NDRG2: variants seen among roughly 807,000 people sequenced by gnomAD.
NDRG2 encodes the protein NDRG family member 2, also known as protein NDRG2.
A neutral mutation model predicts 58.2 loss-of-function variants in NDRG2; 34 were observed. The ratio of observed to expected loss-of-function variants is 0.58; its 90% CI spans 0.44 to 0.78. The LOEUF is 0.78. NDRG2 is among the 30% of genes least tolerant of loss of function. The pLI is 0.00. For missense variants in NDRG2, 434 were observed against 471.2 expected (o/e 0.92, Z 0.73); for synonymous variants, 187 against 175.9 (o/e 1.06, Z -0.50).
At chr14:21,046,430 C>T (rs572245544) in intron 1 of NDRG2, among the ~76,000 whole-genome samples, 4 of 151,930 alleles carry the variant, frequency 2.6e-5, no homozygotes, top group South Asian at 4.2e-4. Context: ...GCTGAGGTGG[C>T]GGATCTCTTG....
At chr14:21,021,208 A>G (rs1034803706) in intron 6 of NDRG2, 1 of 426,280 alleles carries the variant, frequency 2.3e-6, no homozygotes, top group Non-Finnish European at 4.6e-6. Flanking sequence ...CCTCTAGAGG[A>G]ACGGGAAGAA....
chr14:21,025,154 C>A, upstream of NDRG2: 1 of 960,124 alleles, frequency 1.0e-6, no homozygotes, highest in Middle Eastern at 5.3e-4. The surrounding 1 kb of genome is among the most constrained non-coding windows in gnomAD (Gnocchi z 5.1). Flanking sequence ...TCCCCGCAGA[C>A]CCGCCCCAGA....
Position 21,023,291 on chromosome 14 carries a change from T to A in NDRG2, c.25A>T (p.Ile9Phe). ...GGCAACAGTGGCTTCTCCTCTGTGA[T>A]CTGCACCTCCTGCAGCTCCGCCATG... MAELQEVQ[I>F]TEEKPLLPGQ... Residue 9 changes from isoleucine (I) to phenylalanine (F), a missense_variant, in exon 2 of 16, where the codon ATC becomes TTC. Physicochemically the swap from Ile to Phe is conservative, Grantham distance 21 (BLOSUM62 0). Transcript: ENST00000556147. 2 of 1,613,922 alleles carry A rather than the reference T, an allele frequency of 1.2e-6. No homozygotes were observed. The highest frequency in any genetic ancestry group is 1.7e-6 in the Non-Finnish European group (2 of 1,179,940).
chr14:21,032,555 G>A (rs948097245), intron 1 of NDRG2: 5 of 347,392 alleles, frequency 1.4e-5, no homozygotes, highest in African/African-American at 2.2e-5. Context: ...TTGGGTGGAG[G>A]AGTAGAAGCC....
chr14:21,035,546 G>A (rs954596634), intron 1 of NDRG2, among the ~76,000 whole-genome samples: 40 of 152,276 alleles, frequency 2.6e-4, no homozygotes, highest in Non-Finnish European at 5.6e-4. Flanking sequence ...TTCCAGATTT[G>A]GGGCCTCCTC....
intron 1 of NDRG2, chr14:21,035,870 G>T: frequency 2.2e-6 from 1 of 456,008 alleles, no homozygotes; most frequent in South Asian, 1.5e-5. Flanking sequence ...CTACGGGGAG[G>T]CGGTCCTGCA....
chr14:21,023,274 T>G lies in NDRG2; in HGVS notation c.42A>C (p.Pro14=). ...LQEVQITEEK[P]LLPGQTPEAA... ...CCTCAGGCGTCTGTCCTGGCAACAG[T>G]GGCTTCTCCTCTGTGATCTGCACCT... Residue 14 remains proline (P), a synonymous_variant, in exon 2 of 16, where the codon CCA becomes CCC. Coordinates refer to ENST00000556147, the MANE Select transcript of NDRG2 (RefSeq NM_001320329.2). 6.2e-7 allele frequency: 1 copy of G among 1,613,998 alleles called. No individual in the cohort carries two copies. Among genetic ancestry groups the G allele is most frequent in the Non-Finnish European group, 8.5e-7 (1 of 1,179,950 alleles).
rs978249024 is a variant in NDRG2 at position 21,070,830 on chromosome 14, G to T, written c.22C>A (p.Gln8Lys). ...CCCCTCGGGTCATGAGAACTGACCT[G>T]CATGGAACCACCATTTTCCATCCCT... The change falls in exon 1 of 15, where the codon CAG becomes AAG. Residue 8 changes from glutamine (Q) to lysine (K), a missense_variant and splice_region_variant. Transcript: ENST00000403829. This position sits in a 1 kb window ranked among gnomAD's most constrained non-coding sequence, Gnocchi z 4.7. 2.6e-6 allele frequency: 4 copies of T among 1,535,554 alleles called. No individual in the cohort carries two copies. The African/African-American group carries it at 5.5e-5, about 21-fold the overall frequency.
chr14:21,068,039 G>A (rs868629222), intron 1 of NDRG2, among the ~76,000 whole-genome samples: 152 of 9,632 alleles, frequency 0.016, 59 homozygotes, highest in South Asian at 0.079. Context: ...TCGCTCTGTC[G>A]CCCAGGCTGG....
intron 1 of NDRG2, among the ~76,000 whole-genome samples, chr14:21,040,455 G>C (rs541093652): frequency 2.0e-5 from 3 of 152,360 alleles, no homozygotes; most frequent in Admixed American, 6.5e-5. Flanking sequence ...TTTATGATCA[G>C]GATGGGTTGT....
chr14:21,018,665 T>A, intron 12 of NDRG2, 98 bp downstream of exon 12: 1 of 1,591,360 alleles, frequency 6.3e-7, no homozygotes, highest in South Asian at 1.1e-5. Context: ...TTGATCTCCC[T>A]GTGCCAAACA....
chr14:21,031,385 C>T, intron 1 of NDRG2: 6 of 548,900 alleles, frequency 1.1e-5, no homozygotes, highest in Non-Finnish European at 9.1e-6. Flanking sequence ...AGACTAATTT[C>T]CAAGTGTCTA....
chr14:21,017,894 A>G, intron 15 of NDRG2, 93 bp downstream of exon 15: 2 of 1,606,714 alleles, frequency 1.2e-6, no homozygotes, highest in Non-Finnish European at 1.7e-6. Context: ...GATTGGGCAG[A>G]TAGCGGTGAG....
chr14:21,067,235 C>T (rs976311749), intron 1 of NDRG2, among the ~76,000 whole-genome samples: 7 of 151,868 alleles, frequency 4.6e-5, no homozygotes, highest in African/African-American at 1.2e-4. Context: ...GAAATGTCTT[C>T]GGAATTATTT....
intron 1 of NDRG2, chr14:21,034,058 G>A (rs555394501): frequency 6.2e-7 from 1 of 1,614,060 alleles, no homozygotes; most frequent in South Asian, 1.1e-5. Flanking sequence ...CCTTCCAAGG[G>A]GCATGTATCA....
chr14:21,026,310 T>A (rs1003460907), upstream of NDRG2, among the ~76,000 whole-genome samples: 1 of 143,120 alleles, frequency 7.0e-6, no homozygotes, highest in Non-Finnish European at 1.5e-5. Context: ...GCCCCCCTTG[T>A]AGCTCCCCCA....
At chr14:21,043,311 A>C in intron 1 of NDRG2, 1 of 1,614,200 alleles carries the variant, frequency 6.2e-7, no homozygotes, top group Middle Eastern at 1.6e-4. Flanking sequence ...CGTGTCCCTG[A>C]CCATGTGTAA....
intron 1 of NDRG2, chr14:21,032,734 C>A: frequency 2.8e-6 from 1 of 363,418 alleles, no homozygotes; most frequent in Non-Finnish European, 5.3e-6. Flanking sequence ...AGGAAGATGG[C>A]CAGATGAGGC....
intron 10 of NDRG2, 121 bp from the exon 11 acceptor site, chr14:21,019,281 A>G (rs192204641): frequency 2.0e-6 from 2 of 1,012,958 alleles, no homozygotes; most frequent in East Asian, 2.5e-5. Flanking sequence ...CTTGGTTATT[A>G]AAGGTGGAAA....
Sources: allele counts gnomAD v4.1 joint callset (sites outside exome capture counted in the v4.1 genomes callset), GRCh38; gene constraint gnomAD v4.1.1; non-coding constraint Gnocchi (gnomAD v3.1); transcripts MANE v1.5; gene names NCBI Gene and HGNC (gene_info 2026-07-23, HGNC 2026-07-21).